Variants in CSMD2 observed in about 807,000 individuals in gnomAD.
The protein encoded by CSMD2 is CUB and sushi domain-containing protein 2.
Under a neutral mutation model 398.5 loss-of-function variants are expected in CSMD2, and 130 were observed. The observed-to-expected ratio is 0.33, with a 90% CI of 0.28 to 0.38. The LOEUF is 0.38. Among genes scored for constraint, CSMD2 ranks in the 10% least tolerant of loss-of-function variants. The pLI, the probability that CSMD2 is intolerant of heterozygous loss-of-function variation, is 1.00. For synonymous variants in CSMD2, 1,828 were observed against 1,908.5 expected (o/e 0.96, Z 1.10); for missense variants, 3,829 against 4,764.9 (o/e 0.80, Z 5.78).
At chr1:34,142,566 T>C (rs1326181354) in intron 1 of CSMD2, among the ~76,000 whole-genome samples, 1 of 152,186 alleles carries the variant, frequency 6.6e-6, no homozygotes, top group African/African-American at 2.4e-5. Flanking sequence ...CAGGGGGTGA[T>C]GGAAGAAGAG....
intron 12 of CSMD2, among the ~76,000 whole-genome samples, chr1:33,784,940 C>G (rs1047989952): frequency 6.6e-6 from 1 of 152,196 alleles, no homozygotes; most frequent in Non-Finnish European, 1.5e-5. Flanking sequence ...TGGGACCACA[C>G]TGGGATTTAC....
intron 64 of CSMD2, among the ~76,000 whole-genome samples, chr1:33,528,241 T>C (rs1048446928): frequency 6.6e-6 from 1 of 152,220 alleles, no homozygotes; most frequent in African/African-American, 2.4e-5. Flanking sequence ...GCCTCCTCAT[T>C]TGAAACCTGG....
intron 5 of CSMD2, among the ~76,000 whole-genome samples, chr1:33,892,649 T>C (rs1642106390): frequency 6.6e-6 from 1 of 152,218 alleles, no homozygotes; most frequent in Non-Finnish European, 1.5e-5. Flanking sequence ...AAAGACACTA[T>C]TTCATTCCTT....
At chr1:33,985,145 G>A (rs1451335459) in intron 3 of CSMD2, among the ~76,000 whole-genome samples, 1 of 152,186 alleles carries the variant, frequency 6.6e-6, no homozygotes, top group Non-Finnish European at 1.5e-5. Flanking sequence ...TCACCAGCAG[G>A]TCGATGGAGG....
At chr1:33,549,896 C>G (rs754628929) in intron 56 of CSMD2, among the ~76,000 whole-genome samples, 2 of 152,202 alleles carry the variant, frequency 1.3e-5, no homozygotes, top group African/African-American at 2.4e-5. Flanking sequence ...GGACAGGACT[C>G]TGGCCATAGG....
intron 3 of CSMD2, among the ~76,000 whole-genome samples, chr1:34,026,178 A>C (rs1443242908): frequency 1.3e-5 from 2 of 152,222 alleles, no homozygotes; most frequent in East Asian, 3.8e-4. Flanking sequence ...CAGAGGCTGG[A>C]GCTCAATGAA....
At chr1:34,042,706 C>T (rs530663593) in intron 2 of CSMD2, among the ~76,000 whole-genome samples, 139 of 152,336 alleles carry the variant, frequency 9.1e-4, no homozygotes, top group Non-Finnish European at 1.7e-3. Context: ...TGGCCCGAGG[C>T]TTTGCCTTGC....
rs557500563 is a variant in CSMD2, at chr1:33,736,045, A to C, written c.2368+3095T>G. On this transcript the variant is annotated intron_variant, in intron 15 of 70. Transcript: ENST00000373381. ...CATGCAACTTCCCAGATCCCTGAAAACCAGGCTGGCATCAAATGCCCATCG... is the reference window on the plus strand; with the variant it reads ...CATGCAACTTCCCAGATCCCTGAAACCCAGGCTGGCATCAAATGCCCATCG... Among the ~76,000 whole-genome samples the C allele has an allele frequency of 1.4e-4, 22 of 152,162 alleles. No homozygotes were observed. The South Asian group carries it at 2.5e-3, about 17-fold the overall frequency.
chr1:33,933,351 T>G (rs1644370490), intron 4 of CSMD2, among the ~76,000 whole-genome samples: 1 of 152,164 alleles, frequency 6.6e-6, no homozygotes, highest in South Asian at 2.1e-4. Context: ...TTCCACCATA[T>G]TAGCATTGGA....
intron 41 of CSMD2, chr1:33,606,053 A>C (rs1640583974): frequency 6.4e-7 from 1 of 1,551,814 alleles, no homozygotes; most frequent in African/African-American, 1.4e-5. Flanking sequence ...GCTGTCACAA[A>C]GCAAGTCCCT....
chr1:34,009,309 T>C (rs767946349), intron 3 of CSMD2, among the ~76,000 whole-genome samples: 1 of 146,224 alleles, frequency 6.8e-6, no homozygotes, highest in Non-Finnish European at 1.5e-5. Context: ...CTCTACTTGC[T>C]CACCTCCAAT....
intron 2 of CSMD2, among the ~76,000 whole-genome samples, chr1:34,043,443 C>T (rs550916107): frequency 2.0e-4 from 30 of 152,302 alleles, no homozygotes; most frequent in African/African-American, 6.7e-4. Flanking sequence ...AGTACTTCTA[C>T]TTTGTAACAT....
At chr1:33,842,874 T>C (rs1396913348) in intron 6 of CSMD2, among the ~76,000 whole-genome samples, 1 of 152,244 alleles carries the variant, frequency 6.6e-6, no homozygotes, top group African/African-American at 2.4e-5. Flanking sequence ...TTTAGACGCA[T>C]GGAAGTAGTT....
chr1:33,757,072 A>C (rs200140532), intron 13 of CSMD2, among the ~76,000 whole-genome samples: 2,420 of 150,454 alleles, frequency 0.016, 25 homozygotes, highest in South Asian at 0.025. Context: ...AAACCAAACA[A>C]CACATGTTCT....
At chr1:33,963,027 G>A (rs1645421613) in intron 3 of CSMD2, among the ~76,000 whole-genome samples, 1 of 152,248 alleles carries the variant, frequency 6.6e-6, no homozygotes, top group African/African-American at 2.4e-5. Context: ...ATAAGGGAAA[G>A]GAAGAATGAA....
chr1:33,698,468 C>T (rs943811289), intron 24 of CSMD2, among the ~76,000 whole-genome samples: 4 of 152,160 alleles, frequency 2.6e-5, no homozygotes, highest in African/African-American at 7.2e-5. Context: ...CTATCACCCG[C>T]GTTACAATTT....
intron 1 of CSMD2, among the ~76,000 whole-genome samples, chr1:34,091,650 G>GA (rs34430034): frequency 0.14 from 21,301 of 150,704 alleles, 1,658 homozygotes; most frequent in East Asian, 0.36. Flanking sequence ...CATTAAATGA[G>GA]AAAAAAAAAT....
intron 1 of CSMD2, among the ~76,000 whole-genome samples, chr1:34,109,680 A>G (rs1314371990): frequency 6.6e-6 from 1 of 152,168 alleles, no homozygotes; most frequent in Admixed American, 6.5e-5. Flanking sequence ...AAACAAATTT[A>G]CAAGAAAAAA....
At chr1:34,032,309 A>G (rs181311379) in intron 3 of CSMD2, among the ~76,000 whole-genome samples, 5 of 152,378 alleles carry the variant, frequency 3.3e-5, no homozygotes, top group Admixed American at 3.3e-4. Flanking sequence ...AATTAAAAAA[A>G]TAAAAACACA....
Sources: gnomAD v4.1 joint callset for allele counts (sites outside exome capture counted in the v4.1 genomes callset) on GRCh38, gnomAD v4.1.1 for gene constraint, MANE v1.5 for transcripts, NCBI Gene and HGNC (gene_info 2026-07-23, HGNC 2026-07-21) for gene names.